The following GALNT6 variants were observed in gnomAD, a reference collection of about 807,000 sequenced individuals.
The protein encoded by GALNT6 is polypeptide N-acetylgalactosaminyltransferase 6, also known as GalNAc transferase 6.
GALNT6 carries 51 observed loss-of-function variants against 65.9 expected under a neutral mutation model. The observed-to-expected ratio is 0.77, with a 90% CI of 0.62 to 0.98. The LOEUF (loss-of-function observed/expected upper bound fraction) is 0.98. GALNT6 is among the 50% of genes least tolerant of loss of function. GALNT6 has a pLI of 0.00. For missense variants in GALNT6, 708 were observed against 803.3 expected, an observed-to-expected ratio of 0.88 and a Z score of 1.43; for synonymous variants, 323 against 315.1, an observed-to-expected ratio of 1.02 and a Z score of -0.26.
intron 2 of GALNT6, among the ~76,000 whole-genome samples, chr12:51,381,732 G>A (rs1947679268): frequency 1.3e-5 from 2 of 152,312 alleles, no homozygotes; most frequent in South Asian, 2.1e-4. Context: ...AGGGTTGTGG[G>A]GAGGATTAAA....
chr12:51,379,900 A>G lies in GALNT6; in HGVS notation c.-103-16T>C. 9.2e-7 allele frequency: 1 copy of G among 1,081,242 alleles called. No homozygotes were observed. Among genetic ancestry groups the G allele is most frequent in the South Asian group, 1.6e-5 (1 of 60,950 alleles). 67.0% of individuals were successfully genotyped at this position (1,081,242 alleles called of 1,614,324 possible). On this transcript the variant is annotated splice_polypyrimidine_tract_variant and intron_variant, in intron 2 of 11. Coordinates refer to ENST00000356317, the MANE Select transcript of GALNT6 (RefSeq NM_007210.4). ...GGGCCTCAGCCTGAGAAAGGAGGGG[A>G]CAAGAGAGAGAAGTGAGCCAACACA... is the stretch of plus-strand genomic sequence containing the variant.
At chr12:51,384,425 C>T (rs969431147) in intron 2 of GALNT6, among the ~76,000 whole-genome samples, 32 of 152,192 alleles carry the variant, frequency 2.1e-4, no homozygotes, top group African/African-American at 7.7e-4. Context: ...GGCACAGTGG[C>T]TCACACCTGA....
In GALNT6 at chr12:51,354,355, C is replaced by T. The variant is rs554881528; in HGVS notation, c.*24G>A. ...CTGTTTCCTGAGGAGCTTGTGGGGG[C>T]TCTCTCTGGGGATGATCTGGGTCCT... is the stretch of plus-strand genomic sequence containing the variant. On this transcript the variant is annotated 3_prime_UTR_variant, in exon 12 of 12. Transcript: ENST00000356317. 7.2e-6 allele frequency: 9 copies of T among 1,253,896 alleles called. No individual in the cohort carries two copies. The East Asian group carries it at 1.1e-4, about 15-fold the overall frequency. 77.7% of individuals were successfully genotyped at this position (1,253,896 alleles called of 1,614,324 possible). A position where few individuals can be genotyped will look rare whatever the true frequency, so the allele number is the denominator to read the frequency against.
In GALNT6 at chr12:51,356,353, CTTTTTTTTTTTT is replaced by C. The variant is rs58408607; in HGVS notation, c.1603-407_1603-396del. Reference sequence around the variant, plus strand: ...ACTGCGCCCAACCAGTATATTTTCTCTTTTTTTTTTTTTTTTTTTTTTTTGAGGCAGGGTCTT... The same window carrying C: ...ACTGCGCCCAACCAGTATATTTTCTCTTTTTTTTTTTTGAGGCAGGGTCTT... On this transcript the variant is annotated intron_variant, in intron 10 of 11. Coordinates refer to ENST00000356317, the MANE Select transcript of GALNT6 (RefSeq NM_007210.4). 1.5e-4 allele frequency among the ~76,000 whole-genome samples: 10 copies of C among 66,950 alleles called. No homozygotes were observed. In the East Asian group the frequency reaches 3.5e-3, roughly 23 times the overall value. 43.9% of individuals were successfully genotyped at this position (66,950 alleles called of 152,430 possible). A position where few individuals can be genotyped will look rare whatever the true frequency, so the allele number is the denominator to read the frequency against.
In GALNT6 at chr12:51,354,406, G is replaced by C; in HGVS notation, c.1842C>G (p.Asp614Glu). Reference sequence around the variant, plus strand: ...AGACAAAGAGCCACAACTGATGGGGGTCACTGGGATTGCAGGGGGCCATGG... The same window carrying C: ...AGACAAAGAGCCACAACTGATGGGGCTCACTGGGATTGCAGGGGGCCATGG... ...KPAMAPCNPS[D>E]PHQLWLFV Residue 614 changes from aspartate to glutamate, a missense_variant, in exon 12 of 12, where the codon GAC (aspartate) becomes GAG (glutamate). Coordinates refer to ENST00000356317, the MANE Select transcript of GALNT6 (RefSeq NM_007210.4). 2 of 1,581,584 alleles carry C rather than the reference G, an allele frequency of 1.3e-6. No individual in the cohort carries two copies. The highest frequency in any genetic ancestry group is 1.7e-6 in the Non-Finnish European group (2 of 1,167,028).
At chr12:51,369,902 G>T (rs962927129) in intron 4 of GALNT6, among the ~76,000 whole-genome samples, 1 of 151,944 alleles carries the variant, frequency 6.6e-6, no homozygotes, top group Non-Finnish European at 1.5e-5. Flanking sequence ...TTCTTGACAC[G>T]GCAGCTACTG....
intron 7 of GALNT6, 57 bp from the exon 8 acceptor site, chr12:51,359,389 C>T: frequency 8.2e-7 from 1 of 1,214,420 alleles, no homozygotes; most frequent in Non-Finnish European, 1.2e-6. Flanking sequence ...ACAGTCTCCC[C>T]ATAAGCAGCT....
At chr12:51,357,698 C>T (rs879441037) in intron 9 of GALNT6, among the ~76,000 whole-genome samples, 7 of 152,188 alleles carry the variant, frequency 4.6e-5, no homozygotes, top group Non-Finnish European at 1.0e-4. Flanking sequence ...CAGGGAACCT[C>T]CCAGGATGCC....
At chr12:51,389,186 A>G (rs1192356368) in intron 2 of GALNT6, among the ~76,000 whole-genome samples, 1 of 152,240 alleles carries the variant, frequency 6.6e-6, no homozygotes. Flanking sequence ...CTGTGTAAAG[A>G]GCTGAGTTCA....
At position 51,379,710 on chromosome 12, in the gene GALNT6, G is replaced by A. The variant is rs765711039; in HGVS notation, c.72C>T (p.Leu24=). The change falls in exon 3 of 12, where the codon CTC becomes CTT. Residue 24 remains leucine, a synonymous_variant. Coordinates refer to ENST00000356317, the MANE Select transcript of GALNT6 (RefSeq NM_007210.4). ...AMVGCAFVLF[L]FLLHRDVSSR... The stretch of plus-strand genomic sequence containing the variant: ...TGCTCACATCCCTATGCAGGAGGAA[G>A]AGGAAGAGCACAAAGGCGCAGCCCA... 1.9e-6 allele frequency: 3 copies of A among 1,614,034 alleles called. No individual in the cohort carries two copies. The highest frequency in any genetic ancestry group is 2.5e-6 in the Non-Finnish European group (3 of 1,179,994).
At chr12:51,369,024 G>A (rs1947203502) in intron 4 of GALNT6, among the ~76,000 whole-genome samples, 1 of 152,194 alleles carries the variant, frequency 6.6e-6, no homozygotes, top group Non-Finnish European at 1.5e-5. Context: ...CCGGGTGCTG[G>A]CCCTGACAGG....
Position 51,358,149 on chromosome 12 carries a change from G to A in GALNT6, c.1481C>T (p.Thr494Met), listed in dbSNP as rs757435511. The A allele has an allele frequency of 1.4e-5, 22 of 1,613,756 alleles. No homozygotes were observed. Among genetic ancestry groups the A allele is most frequent in the East Asian group, 8.9e-5 (4 of 44,876 alleles). Residue 494 changes from threonine (T) to methionine (M), a missense_variant, in exon 9 of 12, where the codon ACG becomes ATG. Transcript: ENST00000356317. Reference protein sequence around the residue: ...VYPEMFVPDLTPTFYGAIKNL... With the variant: ...VYPEMFVPDLMPTFYGAIKNL... Reference sequence around the variant, plus strand: ...ACTTACGGCACCATAGAAGGTGGGCGTCAGGTCAGGAACAAACATCTCTGG... The same window carrying A: ...ACTTACGGCACCATAGAAGGTGGGCATCAGGTCAGGAACAAACATCTCTGG...
chr12:51,360,900 G>T, intron 6 of GALNT6, 62 bp from the exon 7 acceptor site: 1 of 1,172,230 alleles, frequency 8.5e-7, no homozygotes. Context: ...AGCCTGGCGG[G>T]GAAAGCTGTT....
intron 6 of GALNT6, among the ~76,000 whole-genome samples, chr12:51,362,408 A>AG (rs1946952160): frequency 6.6e-6 from 1 of 152,136 alleles, no homozygotes; most frequent in Admixed American, 6.5e-5. Context: ...GGAGGCCGGG[A>AG]GGGGACTGTC....
rs182781626 is a variant in GALNT6 at position 51,387,505 on chromosome 12, G to C, written c.-104+3345C>G. Among the ~76,000 whole-genome samples the C allele has an allele frequency of 3.9e-5, 6 of 152,336 alleles. No homozygotes were observed. Among genetic ancestry groups the C allele is most frequent in the African/African-American group, 1.2e-4 (5 of 41,570 alleles). ...GTATACCTAGAGCAGCGCTTGGCATGTGGTAGGCACTTGGTTAATATTTGT... is the reference window on the plus strand; with the variant it reads ...GTATACCTAGAGCAGCGCTTGGCATCTGGTAGGCACTTGGTTAATATTTGT... On this transcript the variant is annotated intron_variant, in intron 2 of 11. Transcript: ENST00000356317. The surrounding 1 kb of genome is among the most constrained non-coding windows in gnomAD (Gnocchi z 4.2).
At chr12:51,380,790 C>T (rs1421313467) in intron 2 of GALNT6, among the ~76,000 whole-genome samples, 4 of 151,962 alleles carry the variant, frequency 2.6e-5, no homozygotes. Flanking sequence ...GACTCCGTCT[C>T]CCCACGAAAA....
chr12:51,375,634 T>G (rs753882970), intron 4 of GALNT6, among the ~76,000 whole-genome samples: 1 of 151,730 alleles, frequency 6.6e-6, no homozygotes, highest in Non-Finnish European at 1.5e-5. Context: ...CTCGGCTCAC[T>G]GCAACCTCCG....
intron 2 of GALNT6, among the ~76,000 whole-genome samples, chr12:51,381,109 G>A (rs923731036): frequency 3.9e-5 from 6 of 152,112 alleles, no homozygotes; most frequent in African/African-American, 1.4e-4. Context: ...GCGTAGTGGT[G>A]CACACCTGTA....
Position 51,353,189 on chromosome 12 carries a change from G to A in GALNT6, c.*1190C>T, listed in dbSNP as rs373494494. 2.6e-5 allele frequency: 4 copies of A among 152,148 alleles called. No individual in the cohort carries two copies. Among genetic ancestry groups the A allele is most frequent in the African/African-American group, 9.7e-5 (4 of 41,430 alleles). 9.4% of individuals were successfully genotyped at this position (152,148 alleles called of 1,614,324 possible). On this transcript the variant is annotated 3_prime_UTR_variant, in exon 12 of 12. Transcript: ENST00000356317. The stretch of plus-strand genomic sequence containing the variant: ...CCCCTTTACCTGTGTCTCAGTTTTC[G>A]TATCTGTAAAATAGGCACAGTGGTT...
Sources: gnomAD v4.1 joint callset for allele counts (sites outside exome capture counted in the v4.1 genomes callset) on GRCh38, gnomAD v4.1.1 for gene constraint, Gnocchi (gnomAD v3.1) non-coding constraint, MANE v1.5 for transcripts, NCBI Gene and HGNC (gene_info 2026-07-23, HGNC 2026-07-21) for gene names.